The following KANK4 variants were observed in gnomAD, a reference collection of about 807,000 sequenced individuals.
KANK4 encodes the protein KN motif and ankyrin repeat domain-containing protein 4.
In KANK4, 50 loss-of-function variants were observed where a neutral mutation model predicts 80.8. The observed-to-expected ratio is 0.62, with a 90% confidence interval of 0.49 to 0.78. KANK4 has a LOEUF of 0.78. Among genes scored for constraint, KANK4 ranks in the 30% least tolerant of loss-of-function variants. The probability of loss-of-function intolerance (pLI) is 0.00; values close to 1 mark genes in which losing one functional copy is unlikely to be tolerated. For missense variants in KANK4, 1,196 were observed against 1,240.1 expected, an observed-to-expected ratio of 0.96 and a Z score of 0.53; for synonymous variants, 465 against 506.9, an observed-to-expected ratio of 0.92 and a Z score of 1.11.
intron 7 of KANK4, among the ~76,000 whole-genome samples, chr1:62,254,540 C>A (rs1048237202): frequency 6.6e-6 from 1 of 150,614 alleles, no homozygotes; most frequent in Non-Finnish European, 1.5e-5. Flanking sequence ...CTGTACCCAG[C>A]CAAAAACCTG....
At chr1:62,265,959 G>A (rs1456940202) in intron 6 of KANK4, among the ~76,000 whole-genome samples, 2 of 152,192 alleles carry the variant, frequency 1.3e-5, no homozygotes, top group Non-Finnish European at 2.9e-5. Context: ...TCATTTTATT[G>A]ATGAAGAAAC....
chr1:62,319,429 T>C lies in KANK4; in HGVS notation c.-394A>G, dbSNP rs1000896415. Reference sequence around the variant, plus strand: ...ACAGCGCCCGAGTCCCCGCCTTCGCTAGGGGAGAAAAAAAAGACTCCTGAC... The same window carrying C: ...ACAGCGCCCGAGTCCCCGCCTTCGCCAGGGGAGAAAAAAAAGACTCCTGAC... On this transcript the variant is annotated 5_prime_UTR_variant, in exon 1 of 10. Transcript: ENST00000371153. The C allele has an allele frequency of 6.6e-6, 1 of 151,764 alleles. No homozygotes were observed. The highest frequency in any genetic ancestry group is 1.5e-5 in the Non-Finnish European group (1 of 67,944). The allele number at this position is 151,764 out of a possible 1,614,324, so 9.4% of individuals were successfully genotyped here. A position where few individuals can be genotyped will look rare whatever the true frequency, so the allele number is the denominator to read the frequency against.
At chr1:62,266,498 A>ACACCACT (rs1557482485) in intron 6 of KANK4, among the ~76,000 whole-genome samples, 6 of 150,716 alleles carry the variant, frequency 4.0e-5, no homozygotes, top group Admixed American at 1.3e-4. Flanking sequence ...TGCCTCACAC[A>ACACCACT]CACACCACTC....
chr1:62,277,293 T>C (rs10493318), intron 2 of KANK4, among the ~76,000 whole-genome samples: 60,431 of 152,082 alleles, frequency 0.4, 12,788 homozygotes, highest in African/African-American at 0.53. Flanking sequence ...TGAGTTTACA[T>C]AAAAGTGACA....
rs150140250 is a variant in KANK4, at chr1:62,307,256, G to A, written c.-71+11850C>T. Among the ~76,000 whole-genome samples the A allele has an allele frequency of 2.9e-3, 436 of 152,220 alleles. 2 individuals carry two copies. The highest frequency in any genetic ancestry group is 9.3e-3 in the African/African-American group (386 of 41,524). ...TCAGCACTTTGGGAGGCTGAGGTGGGTAGATCGCCTGAGGTCAGGAGTTCG... is the reference window on the plus strand; with the variant it reads ...TCAGCACTTTGGGAGGCTGAGGTGGATAGATCGCCTGAGGTCAGGAGTTCG... On this transcript the variant is annotated intron_variant, in intron 1 of 9. Coordinates refer to ENST00000371153, the MANE Select transcript of KANK4 (RefSeq NM_181712.5).
chr1:62,279,412 C>T (rs533705412), intron 2 of KANK4, among the ~76,000 whole-genome samples: 12 of 152,284 alleles, frequency 7.9e-5, no homozygotes, highest in Non-Finnish European at 1.5e-4. Context: ...GACAGGTATG[C>T]GGGAGCTCAG....
chr1:62,252,555 C>T (rs529360383), intron 8 of KANK4, among the ~76,000 whole-genome samples: 1 of 152,372 alleles, frequency 6.6e-6, no homozygotes, highest in Admixed American at 6.5e-5. Flanking sequence ...TAGGAATGAT[C>T]AGCCAGTGCT....
At chr1:62,316,907 G>A (rs918492402) in intron 1 of KANK4, among the ~76,000 whole-genome samples, 2 of 152,182 alleles carry the variant, frequency 1.3e-5, no homozygotes, top group African/African-American at 2.4e-5. Flanking sequence ...CAAAGAGAAA[G>A]CAGCATTTGC....
At position 62,268,519 on chromosome 1, in the gene KANK4, C is replaced by T. The variant is rs1441146655; in HGVS notation, c.2013-14G>A. The T allele has an allele frequency of 1.2e-6, 2 of 1,608,096 alleles. No individual in the cohort carries two copies. Among genetic ancestry groups the T allele is most frequent in the Middle Eastern group, 1.6e-4 (1 of 6,072 alleles). On this transcript the variant is annotated splice_polypyrimidine_tract_variant and intron_variant, in intron 4 of 9. Transcript: ENST00000371153. ...GTGGTCTCATACCTGGGGTAGAAAA[C>T]AAAGGTCACTCGTCCTGTCTTTCCT...
chr1:62,271,547 T>C lies in KANK4; in HGVS notation c.1943A>G (p.Lys648Arg). 1 of 1,614,120 alleles carries C rather than the reference T, an allele frequency of 6.2e-7. No homozygotes were observed. Among genetic ancestry groups the C allele is most frequent in the Non-Finnish European group, 8.5e-7 (1 of 1,179,968 alleles). ...ACCTCCTGCACGGAAGCCATAGTCT[T>C]TCTTTTTCATTATGGATTTAAGGCT... ...STSLKSIMKK[K>R]DYGFRAGGNG... The change falls in exon 4 of 10, where the codon AAA becomes AGA. Residue 648 changes from lysine (K) to arginine (R), a missense_variant. Lys to Arg is a conservative substitution (Grantham distance 26). Around this residue, in one of 3 missense-constraint regions of KANK4, gnomAD observed 1,154 missense variants for 1,179.6 expected, o/e 0.98. Transcript: ENST00000371153.
At chr1:62,314,502 C>A (rs1432377893) in intron 1 of KANK4, among the ~76,000 whole-genome samples, 1 of 151,948 alleles carries the variant, frequency 6.6e-6, no homozygotes, top group Non-Finnish European at 1.5e-5. Flanking sequence ...GGCTGCTGGG[C>A]AGAAACCAGG....
At chr1:62,276,724 C>A (rs1322085167) in intron 2 of KANK4, among the ~76,000 whole-genome samples, 1 of 149,354 alleles carries the variant, frequency 6.7e-6, no homozygotes, top group Non-Finnish European at 1.5e-5. Flanking sequence ...TTGCAGTGAG[C>A]CGAGATTGCA....
At chr1:62,292,792 G>A (rs1672705589) in intron 1 of KANK4, among the ~76,000 whole-genome samples, 1 of 152,124 alleles carries the variant, frequency 6.6e-6, no homozygotes, top group Non-Finnish European at 1.5e-5. Context: ...CAGGGTAGTG[G>A]CAAAAGTCAG....
intron 9 of KANK4, among the ~76,000 whole-genome samples, chr1:62,244,692 T>C (rs140540801): frequency 0.066 from 10,112 of 152,212 alleles, 798 homozygotes; most frequent in African/African-American, 0.19. Context: ...CTTTTGTAAA[T>C]TGCCCAGTCT....
rs750017708 is a variant in KANK4 at position 62,253,063 on chromosome 1, C to T, written c.2682+4G>A. The stretch of plus-strand genomic sequence containing the variant: ...GAAGAGGAGATCCTGTTCATTCCAC[C>T]CACCTGAGTAGCTTGAATGTTCACA... On this transcript the variant is annotated splice_donor_region_variant and intron_variant, in intron 8 of 9. Transcript: ENST00000371153. 3 of 1,613,384 alleles carry T rather than the reference C, an allele frequency of 1.9e-6. No homozygotes were observed. Among genetic ancestry groups the T allele is most frequent in the East Asian group, 2.2e-5 (1 of 44,852 alleles).
At chr1:62,318,291 G>A (rs1466117962) in intron 1 of KANK4, among the ~76,000 whole-genome samples, 1 of 152,202 alleles carries the variant, frequency 6.6e-6, no homozygotes, top group Admixed American at 6.5e-5. Context: ...ACTAAGACTT[G>A]AGTTTGGCAG....
intron 4 of KANK4, among the ~76,000 whole-genome samples, chr1:62,268,927 C>T (rs781077228): frequency 6.6e-6 from 1 of 152,174 alleles, no homozygotes. Context: ...CCCACCTCCA[C>T]CCTGAATTCA....
At chr1:62,315,880 C>T (rs185551393) in intron 1 of KANK4, among the ~76,000 whole-genome samples, 2 of 152,342 alleles carry the variant, frequency 1.3e-5, no homozygotes, top group Admixed American at 6.5e-5. Flanking sequence ...CAGAGCAGAG[C>T]CACGAGTGCA....
rs541670898 is a variant in KANK4, at chr1:62,309,516, T to C, written c.-71+9590A>G. Among the ~76,000 whole-genome samples, 13 of 152,240 alleles carry C rather than the reference T, an allele frequency of 8.5e-5. No homozygotes were observed. In the South Asian group the frequency reaches 2.7e-3, roughly 32 times the overall value. ...GCAAGAAAGTTAACTTCAAAACCACTTTATAATTAGAAAGGAAAAAGAAAC... is the reference window on the plus strand; with the variant it reads ...GCAAGAAAGTTAACTTCAAAACCACCTTATAATTAGAAAGGAAAAAGAAAC... On this transcript the variant is annotated intron_variant, in intron 1 of 9. Coordinates refer to ENST00000371153, the MANE Select transcript of KANK4 (RefSeq NM_181712.5).
Sources: allele counts gnomAD v4.1 joint callset (sites outside exome capture counted in the v4.1 genomes callset), GRCh38; gene constraint gnomAD v4.1.1; regional missense constraint gnomAD v4.1.1; transcripts MANE v1.5; gene names NCBI Gene and HGNC (gene_info 2026-07-23, HGNC 2026-07-21).